Variants in TTLL12 observed in about 807,000 individuals in gnomAD.
TTLL12 encodes the protein tubulin--tyrosine ligase-like protein 12.
A neutral mutation model predicts 79.6 loss-of-function variants in TTLL12; 77 were observed. The observed-to-expected ratio is 0.97, with a 90% CI of 0.81 to 1.17. The LOEUF (loss-of-function observed/expected upper bound fraction) is 1.17. Ranked by LOEUF, TTLL12 falls within the 50% of genes most tolerant of loss-of-function variation. The probability of loss-of-function intolerance (pLI) is 0.00; values close to 1 mark genes in which losing one functional copy is unlikely to be tolerated. For synonymous variants in TTLL12, 437 were observed against 376.1 expected (o/e 1.16, Z -1.87); for missense variants, 969 against 895.9 (o/e 1.08, Z -1.04).
At chr22:43,169,602 C>G (rs1480683983) in intron 11 of TTLL12, 34 bp from the exon 12 acceptor site, 1 of 1,606,498 alleles carries the variant, frequency 6.2e-7, no homozygotes, top group Non-Finnish European at 8.5e-7. Context: ...ACGCTCTGTA[C>G]AGGCCTCCGC....
intron 5 of TTLL12, among the ~76,000 whole-genome samples, chr22:43,179,260 T>C (rs1185124217): frequency 6.6e-6 from 1 of 152,122 alleles, no homozygotes. Context: ...AGGCACGCGA[T>C]GTGTGAACAC....
At chr22:43,174,136 G>A in intron 8 of TTLL12, 73 bp downstream of exon 8, 2 of 1,520,232 alleles carry the variant, frequency 1.3e-6, no homozygotes, top group Non-Finnish European at 1.8e-6. Flanking sequence ...TGCTCATGGA[G>A]GAGCAGGCGG....
At chr22:43,177,947 A>G (rs1224328547) in intron 5 of TTLL12, among the ~76,000 whole-genome samples, 1 of 152,218 alleles carries the variant, frequency 6.6e-6, no homozygotes, top group African/African-American at 2.4e-5. Flanking sequence ...AAATGGGAAA[A>G]AACAAGGATG....
rs564195483 is a variant in TTLL12 at position 43,178,001 on chromosome 22, C to T, written c.841-1605G>A. Among the ~76,000 whole-genome samples, 6 of 152,258 alleles carry T rather than the reference C, an allele frequency of 3.9e-5. No individual in the cohort carries two copies. In the East Asian group the frequency reaches 9.7e-4, roughly 25 times the overall value. On this transcript the variant is annotated intron_variant, in intron 5 of 13. Coordinates refer to ENST00000216129, the MANE Select transcript of TTLL12 (RefSeq NM_015140.4). ...CCTCTTCCTGGTCAGCCCAGAGCTTCCCAAGGAAAAACACAAACTTTAGTT... is the reference window on the plus strand; with the variant it reads ...CCTCTTCCTGGTCAGCCCAGAGCTTTCCAAGGAAAAACACAAACTTTAGTT...
chr22:43,168,174 C>A lies in TTLL12; in HGVS notation c.1784-15G>T. On this transcript the variant is annotated splice_polypyrimidine_tract_variant and intron_variant, in intron 13 of 13. Transcript: ENST00000216129. ...CACCCGCCTTCCTGATGGCAAAGAG[C>A]GCAGCAGAGTGTGAAGGCTCGTTGG... The A allele has an allele frequency of 6.2e-7, 1 of 1,612,854 alleles. No homozygotes were observed. The highest frequency in any genetic ancestry group is 1.1e-5 in the South Asian group (1 of 91,012).
chr22:43,174,513 G>C lies in TTLL12; in HGVS notation c.1020C>G (p.His340Gln). 1.9e-6 allele frequency: 3 copies of C among 1,612,122 alleles called. No homozygotes were observed. Among genetic ancestry groups the C allele is most frequent in the Non-Finnish European group, 2.5e-6 (3 of 1,178,768 alleles). ...ADADILFNFS[H>Q]FKDYRKLSQE... ...GGTGCCCTCACCTGTAGTCCTTGAA[G>C]TGTGAGAAGTTGAAGAGGATGTCGG... The change falls in exon 7 of 14, where the codon CAC becomes CAG. Residue 340 changes from histidine (H) to glutamine (Q), a missense_variant. By Grantham distance (24) the His-to-Gln change is conservative. Coordinates refer to ENST00000216129, the MANE Select transcript of TTLL12 (RefSeq NM_015140.4).
intron 13 of TTLL12, 75 bp downstream of exon 13, chr22:43,168,699 C>T: frequency 6.5e-7 from 1 of 1,529,846 alleles, no homozygotes; most frequent in East Asian, 2.4e-5. Flanking sequence ...CAGCTGCCTG[C>T]CTTCTCCAGG....
intron 1 of TTLL12, among the ~76,000 whole-genome samples, chr22:43,184,941 T>C (rs1028795871): frequency 2.6e-5 from 4 of 152,018 alleles, no homozygotes; most frequent in South Asian, 2.1e-4. Flanking sequence ...TTTAAAAACA[T>C]CTCTTCGGCC....
intron 6 of TTLL12, among the ~76,000 whole-genome samples, chr22:43,175,080 T>C (rs1569484890): frequency 6.6e-6 from 1 of 152,166 alleles, no homozygotes; most frequent in Non-Finnish European, 1.5e-5. Context: ...CAAGAGCCCC[T>C]GGGCTGCCCA....
intron 5 of TTLL12, among the ~76,000 whole-genome samples, chr22:43,177,776 C>G (rs1320754240): frequency 1.3e-5 from 2 of 152,218 alleles, no homozygotes; most frequent in South Asian, 4.1e-4. Flanking sequence ...CCAGAGGCAC[C>G]CCGTTGAGCC....
At chr22:43,174,456 A>T (rs1569484673) in intron 7 of TTLL12, 43 bp downstream of exon 7, 1 of 1,576,576 alleles carries the variant, frequency 6.3e-7, no homozygotes, top group Non-Finnish European at 8.6e-7. Flanking sequence ...CAGTGCCTAG[A>T]AGCCCTGACT....
chr22:43,173,701 T>G lies in TTLL12; in HGVS notation c.1341+14A>C, dbSNP rs756793539. The G allele has an allele frequency of 6.3e-7, 1 of 1,597,938 alleles. No homozygotes were observed. Among genetic ancestry groups the G allele is most frequent in the South Asian group, 1.1e-5 (1 of 90,968 alleles). On this transcript the variant is annotated intron_variant, in intron 9 of 13. Transcript: ENST00000216129. ...GGGCCCTGAGCCCTGGGGCTCCTGG[T>G]CTGCGGGGCCCACCTTGGGGGTGCT...
chr22:43,184,069 T>C (rs1203413899), intron 1 of TTLL12, among the ~76,000 whole-genome samples: 3 of 152,222 alleles, frequency 2.0e-5, no homozygotes, highest in East Asian at 1.9e-4. Flanking sequence ...CGTGGCGCCA[T>C]TGTTACACTT....
chr22:43,177,510 G>C (rs564438242), intron 5 of TTLL12, among the ~76,000 whole-genome samples: 1 of 152,208 alleles, frequency 6.6e-6, no homozygotes, highest in East Asian at 1.9e-4. Flanking sequence ...AGGTGGAAGG[G>C]ACAGGGTTGC....
intron 11 of TTLL12, chr22:43,170,118 G>A (rs1931726884): frequency 5.6e-6 from 2 of 355,854 alleles, no homozygotes; most frequent in Non-Finnish European, 1.1e-5. Flanking sequence ...AACAAGCCAG[G>A]AAAGGCCCCT....
At chr22:43,182,071 C>T (rs1228794468) in intron 2 of TTLL12, among the ~76,000 whole-genome samples, 1 of 135,514 alleles carries the variant, frequency 7.4e-6, no homozygotes, top group East Asian at 1.9e-4. Context: ...AACACTCAGG[C>T]TCCAAATCCA....
rs1341668316 is a variant in TTLL12, at chr22:43,179,673, G to T, written c.786C>A (p.Thr262=). The T allele has an allele frequency of 6.3e-7, 1 of 1,580,260 alleles. No individual in the cohort carries two copies. ...TGCAAGAGCTGAGGTCCAGCATGTCGGTGGGGGCCCAGGGCAGCAGCATGC... is the reference window on the plus strand; with the variant it reads ...TGCAAGAGCTGAGGTCCAGCATGTCTGTGGGGGCCCAGGGCAGCAGCATGC... ...RKCMLLPWAP[T]DMLDLSSCTP... is the part of the protein sequence containing the mutation. Residue 262 remains threonine (T), a synonymous_variant, in exon 5 of 14, where the codon ACC becomes ACA. Transcript: ENST00000216129.
Position 43,176,356 on chromosome 22 carries a change from A to T in TTLL12, c.881T>A (p.Ile294Asn). The change falls in exon 6 of 14, where the codon ATC becomes AAC. Residue 294 changes from isoleucine to asparagine, a missense_variant. Transcript: ENST00000216129. ...EENKEKLPLDINPVVHPHGHI... is the reference protein window; with the variant it reads ...EENKEKLPLDNNPVVHPHGHI... ...GCCGTGGGGGTGCACCACGGGGTTG[A>T]TGTCAAGTGGCAGCTTCTCCTTGTT... The T allele has an allele frequency of 6.2e-7, 1 of 1,605,374 alleles. No homozygotes were observed.
In TTLL12 at chr22:43,176,305, G is replaced by GC. The variant is rs748190718; in HGVS notation, c.917+14_917+15insG. On this transcript the variant is annotated intron_variant, in intron 6 of 13. Transcript: ENST00000216129. ...GGACAAGTCCCAGCCCAAGCAGTGG[G>GC]GGGGGGCTACGCACTTGAAGATGTG... 2 of 1,572,682 alleles carry GC rather than the reference G, an allele frequency of 1.3e-6. No homozygotes were observed. Among genetic ancestry groups the GC allele is most frequent in the Admixed American group, 1.9e-5 (1 of 53,568 alleles).
Sources: gnomAD v4.1 joint callset for allele counts (sites outside exome capture counted in the v4.1 genomes callset) on GRCh38, gnomAD v4.1.1 for gene constraint, MANE v1.5 for transcripts, NCBI Gene and HGNC (gene_info 2026-07-23, HGNC 2026-07-21) for gene names.